The following FAF1 variants were observed in gnomAD, a reference collection of about 807,000 sequenced individuals.
FAF1 encodes FAS-associated factor 1.
A neutral mutation model predicts 92.5 loss-of-function variants in FAF1; 25 were observed. The ratio of observed to expected loss-of-function variants is 0.27; its 90% confidence interval spans 0.20 to 0.38. FAF1 has a LOEUF of 0.38. Ranked by LOEUF, FAF1 falls within the 10% of genes least tolerant of loss-of-function variation. The pLI is 1.00. For missense variants in FAF1, 636 were observed against 793.3 expected (o/e 0.80, Z 2.38); for synonymous variants, 234 against 273.2 (o/e 0.86, Z 1.42).
At chr1:50,761,013 C>T (rs978962040) in intron 4 of FAF1, among the ~76,000 whole-genome samples, 2 of 152,120 alleles carry the variant, frequency 1.3e-5, no homozygotes, top group African/African-American at 4.8e-5. Flanking sequence ...GATATCACCA[C>T]CGATCACACA....
At chr1:50,788,234 T>A (rs954856772) in intron 3 of FAF1, 29 bp from the exon 4 acceptor site, 5 of 1,571,194 alleles carry the variant, frequency 3.2e-6, no homozygotes, top group Non-Finnish European at 4.4e-6. Context: ...AGAAGGATTA[T>A]TGTCAACTAA....
At chr1:50,817,984 C>T (rs1643994774) in intron 2 of FAF1, among the ~76,000 whole-genome samples, 1 of 151,866 alleles carries the variant, frequency 6.6e-6, no homozygotes, top group African/African-American at 2.4e-5. Context: ...CTCTAGAAAA[C>T]AAAAATCTAA....
intron 9 of FAF1, among the ~76,000 whole-genome samples, chr1:50,593,830 G>A (rs1651647894): frequency 6.6e-6 from 1 of 152,242 alleles, no homozygotes; most frequent in East Asian, 1.9e-4. Flanking sequence ...ACATGTTTAA[G>A]TGATATAAAT....
chr1:50,638,785 A>C (rs898805617), intron 8 of FAF1, among the ~76,000 whole-genome samples: 2 of 152,144 alleles, frequency 1.3e-5, no homozygotes, highest in African/African-American at 4.8e-5. Context: ...CAGGCTGGGG[A>C]AATTCTTCTC....
chr1:50,544,481 C>T (rs1359172140), intron 13 of FAF1, among the ~76,000 whole-genome samples: 2 of 152,168 alleles, frequency 1.3e-5, no homozygotes, highest in Admixed American at 1.3e-4. Flanking sequence ...CTTTGAGACA[C>T]ATTGCTTTCT....
intron 6 of FAF1, among the ~76,000 whole-genome samples, chr1:50,710,306 AT>A: frequency 6.6e-6 from 1 of 152,264 alleles, no homozygotes; most frequent in South Asian, 2.1e-4. Flanking sequence ...TAGAACACCA[AT>A]TTTGTCTAGT....
At chr1:50,863,534 A>C (rs1468294852) in intron 1 of FAF1, among the ~76,000 whole-genome samples, 1 of 152,080 alleles carries the variant, frequency 6.6e-6, no homozygotes, top group Non-Finnish European at 1.5e-5. Flanking sequence ...ACTAAATGAA[A>C]TTGAAACAAA....
chr1:50,564,932 A>G (rs906315313), intron 13 of FAF1, among the ~76,000 whole-genome samples: 4 of 152,078 alleles, frequency 2.6e-5, no homozygotes, highest in African/African-American at 9.7e-5. Context: ...TGATGGATCA[A>G]AAGTAGCTAT....
chr1:50,486,731 C>T (rs1291584508), intron 17 of FAF1, among the ~76,000 whole-genome samples: 1 of 152,142 alleles, frequency 6.6e-6, no homozygotes, highest in Non-Finnish European at 1.5e-5. Flanking sequence ...CTCGCACCTA[C>T]AGCATAATGT....
chr1:50,681,446 T>C (rs559295321), intron 7 of FAF1, among the ~76,000 whole-genome samples: 3 of 152,290 alleles, frequency 2.0e-5, no homozygotes, highest in South Asian at 2.1e-4. Flanking sequence ...AGAATACATA[T>C]TGGAGCTCTT....
At chr1:50,724,290 C>CAT (rs1557494643) in intron 6 of FAF1, among the ~76,000 whole-genome samples, 5 of 106,122 alleles carry the variant, frequency 4.7e-5, no homozygotes, top group African/African-American at 1.2e-4. Context: ...CACACACACA[C>CAT]ACACATACAC....
chr1:50,803,502 A>G (rs772204785), intron 2 of FAF1, among the ~76,000 whole-genome samples: 38 of 152,310 alleles, frequency 2.5e-4, no homozygotes, highest in South Asian at 1.4e-3. Context: ...CTCAGCCACA[A>G]AAGTCCTACC....
intron 18 of FAF1, among the ~76,000 whole-genome samples, chr1:50,461,659 A>G (rs1557954526): frequency 6.6e-6 from 1 of 152,198 alleles, no homozygotes. Flanking sequence ...GAAAAACACC[A>G]TAAAGTAACT....
intron 5 of FAF1, among the ~76,000 whole-genome samples, chr1:50,744,330 A>G (rs1659506665): frequency 6.6e-6 from 1 of 152,190 alleles, no homozygotes; most frequent in South Asian, 2.1e-4. Flanking sequence ...TTTCGGACCA[A>G]TATGTAATTG....
At chr1:50,596,853 A>T (rs1049480742) in intron 8 of FAF1, among the ~76,000 whole-genome samples, 1 of 152,230 alleles carries the variant, frequency 6.6e-6, no homozygotes, top group African/African-American at 2.4e-5. Context: ...GAAGACAATG[A>T]TAAGACATGA....
chr1:50,919,472 G>A (rs953720705), intron 1 of FAF1, among the ~76,000 whole-genome samples: 8 of 151,864 alleles, frequency 5.3e-5, no homozygotes, highest in African/African-American at 9.7e-5. Flanking sequence ...AAAGGCTGCC[G>A]GGGGGTAAAT....
At chr1:50,612,369 TAA>T (rs1557434797) in intron 8 of FAF1, 3 of 1,240,754 alleles carry the variant, frequency 2.4e-6, no homozygotes, top group South Asian at 2.8e-5. Flanking sequence ...GTTTGATAAA[TAA>T]AGAGGTTCCG....
chr1:50,883,099 C>G (rs1051469898), intron 1 of FAF1, among the ~76,000 whole-genome samples: 3 of 151,932 alleles, frequency 2.0e-5, no homozygotes, highest in Non-Finnish European at 4.4e-5. Flanking sequence ...TCACTGTTTG[C>G]CCCACCTGGA....
intron 2 of FAF1, among the ~76,000 whole-genome samples, chr1:50,848,353 T>C (rs1424513064): frequency 6.6e-6 from 1 of 152,204 alleles, no homozygotes; most frequent in Non-Finnish European, 1.5e-5. Flanking sequence ...ATAGGGCTGT[T>C]AAATGAAGCA....
Sources: gnomAD v4.1 joint callset for allele counts (sites outside exome capture counted in the v4.1 genomes callset) on GRCh38, gnomAD v4.1.1 for gene constraint, MANE v1.5 for transcripts, NCBI Gene and HGNC (gene_info 2026-07-23, HGNC 2026-07-21) for gene names.